Variants in TRPC6 observed in about 807,000 individuals in gnomAD.
TRPC6 encodes transient receptor potential cation channel subfamily C member 6.
TRPC6 carries 55 observed loss-of-function variants against 90.7 expected under a neutral mutation model. That is an observed-to-expected ratio of 0.61 (90% confidence interval 0.49 to 0.76). The LOEUF (loss-of-function observed/expected upper bound fraction) is 0.76, where lower values mean the gene tolerates loss of function less well. Ranked by LOEUF, TRPC6 falls within the 30% of genes least tolerant of loss-of-function variation. TRPC6 has a pLI of 0.00. For synonymous variants in TRPC6, 393 were observed against 393.0 expected, an observed-to-expected ratio of 1.00 and a Z score of 0.00; for missense variants, 989 against 1,122.7, an observed-to-expected ratio of 0.88 and a Z score of 1.70.
chr11:101,531,153 A>T (rs1250544869), intron 1 of TRPC6, among the ~76,000 whole-genome samples: 1 of 152,210 alleles, frequency 6.6e-6, no homozygotes, highest in African/African-American at 2.4e-5. Flanking sequence ...TTTGATTGTG[A>T]TGATCATTAC....
chr11:101,476,333 G>A lies in TRPC6; in HGVS notation c.1712C>T (p.Thr571Ile), dbSNP rs1318751144. ...GTAGTATTTCACATTGTCTCCCAAT[G>A]TTACTTTCGTCAAGTCCTTCAAAGT... ...NDTLKDLTKVTLGDNVKYYNL... is the reference protein window; with the variant it reads ...NDTLKDLTKVILGDNVKYYNL... The change falls in exon 6 of 13, where the codon ACA becomes ATA. Residue 571 changes from threonine to isoleucine, a missense_variant. Transcript: ENST00000344327. 14 of 1,614,048 alleles carry A rather than the reference G, an allele frequency of 8.7e-6. No homozygotes were observed. The highest frequency in any genetic ancestry group is 1.0e-5 in the Non-Finnish European group (12 of 1,179,982).
In TRPC6 at chr11:101,483,852, C is replaced by T. The variant is rs147454403; in HGVS notation, c.1294-687G>A. ...TCCTAAATTATGTGAAAACCAGATT[C>T]TTTATATGAAATACGGGGGACAAAA... is the stretch of plus-strand genomic sequence containing the variant. On this transcript the variant is annotated intron_variant, in intron 4 of 12. Coordinates refer to ENST00000344327, the MANE Select transcript of TRPC6 (RefSeq NM_004621.6). Among the ~76,000 whole-genome samples, 6 of 152,212 alleles carry T rather than the reference C, an allele frequency of 3.9e-5. No individual in the cohort carries two copies. The East Asian group carries it at 1.2e-3, about 29-fold the overall frequency.
At chr11:101,478,649 T>G (rs1299515200) in intron 5 of TRPC6, among the ~76,000 whole-genome samples, 4 of 151,908 alleles carry the variant, frequency 2.6e-5, no homozygotes, top group Non-Finnish European at 5.9e-5. Flanking sequence ...CCAAGGAGAG[T>G]TTGAAATCCC....
chr11:101,549,237 A>G (rs528052900), intron 1 of TRPC6, among the ~76,000 whole-genome samples: 36 of 152,082 alleles, frequency 2.4e-4, no homozygotes, highest in African/African-American at 8.4e-4. Flanking sequence ...ACCTAGAAAT[A>G]CATCTAACTT....
chr11:101,515,211 C>T lies in TRPC6; in HGVS notation c.171-10413G>A, dbSNP rs560167149. 3.9e-5 allele frequency among the ~76,000 whole-genome samples: 6 copies of T among 152,276 alleles called. No individual in the cohort carries two copies. The South Asian group carries it at 8.3e-4, about 21-fold the overall frequency. ...ATAAAGGAGATAGAAACTAAGAAAT[C>T]ATTAAATGGCTTCTCTTCCTTTAAT... On this transcript the variant is annotated intron_variant, in intron 1 of 12. Transcript: ENST00000344327.
At chr11:101,524,933 A>G (rs1475367801) in intron 1 of TRPC6, among the ~76,000 whole-genome samples, 1 of 152,160 alleles carries the variant, frequency 6.6e-6, no homozygotes, top group Non-Finnish European at 1.5e-5. Flanking sequence ...CTTTCCAACT[A>G]TTTCTCCATT....
chr11:101,543,281 G>A (rs574250756), intron 1 of TRPC6, among the ~76,000 whole-genome samples: 3 of 152,122 alleles, frequency 2.0e-5, no homozygotes, highest in African/African-American at 7.2e-5. Context: ...TAACCATTTT[G>A]AAAAGCACTT....
intron 2 of TRPC6, among the ~76,000 whole-genome samples, chr11:101,498,732 A>C (rs1565218006): frequency 1.3e-5 from 2 of 152,192 alleles, no homozygotes; most frequent in African/African-American, 4.8e-5. Flanking sequence ...AATACTTTCC[A>C]AGTGGCTGTA....
At chr11:101,455,356 C>T in intron 10 of TRPC6, 1 of 406,638 alleles carries the variant, frequency 2.5e-6, no homozygotes, top group South Asian at 2.6e-5. Flanking sequence ...ATCACGTTGT[C>T]ATGAGAATCA....
intron 1 of TRPC6, among the ~76,000 whole-genome samples, chr11:101,573,761 T>C (rs1005741358): frequency 2.0e-5 from 3 of 152,174 alleles, no homozygotes; most frequent in African/African-American, 7.2e-5. Flanking sequence ...TTGCAATCGC[T>C]GTCAGTCAAG....
chr11:101,481,250 G>A (rs932169518), intron 5 of TRPC6, among the ~76,000 whole-genome samples: 2 of 152,260 alleles, frequency 1.3e-5, no homozygotes, highest in African/African-American at 4.8e-5. Flanking sequence ...ATGTTGGGGG[G>A]AGGGAATGGA....
chr11:101,460,729 C>G (rs148901512), intron 10 of TRPC6, among the ~76,000 whole-genome samples: 1 of 151,948 alleles, frequency 6.6e-6, no homozygotes, highest in East Asian at 1.9e-4. Flanking sequence ...ACTTAATGCT[C>G]CTGAACTATA....
At chr11:101,548,233 C>G (rs1861355327) in intron 1 of TRPC6, among the ~76,000 whole-genome samples, 1 of 131,200 alleles carries the variant, frequency 7.6e-6, no homozygotes, top group South Asian at 2.3e-4. Context: ...ATCTTCCCAA[C>G]AGCCTAAGAA....
At chr11:101,478,243 A>C (rs1411931262) in intron 5 of TRPC6, among the ~76,000 whole-genome samples, 1 of 152,232 alleles carries the variant, frequency 6.6e-6, no homozygotes. Context: ...CATGGATTTA[A>C]GAGAAGACTT....
chr11:101,517,730 A>G (rs566174173), intron 1 of TRPC6, among the ~76,000 whole-genome samples: 4 of 152,352 alleles, frequency 2.6e-5, no homozygotes, highest in African/African-American at 4.8e-5. Context: ...TATTAATTAT[A>G]TAGTTAATTT....
chr11:101,541,562 T>A (rs4462305), intron 1 of TRPC6, among the ~76,000 whole-genome samples: 1 of 151,824 alleles, frequency 6.6e-6, no homozygotes, highest in Admixed American at 6.6e-5. Context: ...AGGGTTTTAC[T>A]GTTTCTTATA....
chr11:101,535,018 T>G (rs1279014895), intron 1 of TRPC6, among the ~76,000 whole-genome samples: 6 of 152,012 alleles, frequency 3.9e-5, no homozygotes, highest in Admixed American at 2.6e-4. Context: ...AAAAAAAAAT[T>G]AGTTGGGCAT....
chr11:101,457,709 A>G (rs1370958290), intron 10 of TRPC6, among the ~76,000 whole-genome samples: 1 of 152,324 alleles, frequency 6.6e-6, no homozygotes, highest in East Asian at 1.9e-4. Context: ...ACTTGAGGCA[A>G]ATCATTTCAC....
chr11:101,549,793 T>C (rs183714514), intron 1 of TRPC6, among the ~76,000 whole-genome samples: 6 of 151,536 alleles, frequency 4.0e-5, no homozygotes, highest in Admixed American at 3.3e-4. Context: ...CCCTAATAGA[T>C]AAATAGGTAA....
Sources: gnomAD v4.1 joint callset for allele counts (sites outside exome capture counted in the v4.1 genomes callset) on GRCh38, gnomAD v4.1.1 for gene constraint, MANE v1.5 for transcripts, NCBI Gene and HGNC (gene_info 2026-07-23, HGNC 2026-07-21) for gene names.